The following RCSD1 variants were observed in gnomAD, a reference collection of about 807,000 sequenced individuals.
RCSD1 encodes capZ-interacting protein.
A neutral mutation model predicts 42.5 loss-of-function variants in RCSD1; 26 were observed. The ratio of observed to expected loss-of-function variants is 0.61; its 90% CI spans 0.45 to 0.85. The LOEUF (loss-of-function observed/expected upper bound fraction) is 0.85, where lower values mean the gene tolerates loss of function less well. RCSD1 is among the 40% of genes least tolerant of loss of function. RCSD1 has a pLI of 0.00. For synonymous variants in RCSD1, 220 were observed against 212.2 expected (o/e 1.04, Z -0.32); for missense variants, 571 against 528.3 (o/e 1.08, Z -0.79).
chr1:167,640,817 T>C (rs1264737404), intron 1 of RCSD1: 2 of 152,246 alleles, frequency 1.3e-5, no homozygotes, highest in Non-Finnish European at 2.9e-5. Flanking sequence ...CCTGAAGCGC[T>C]GGGATTACAG....
At chr1:167,642,856 G>A (rs2102199898) in intron 1 of RCSD1, among the ~76,000 whole-genome samples, 1 of 152,324 alleles carries the variant, frequency 6.6e-6, no homozygotes, top group East Asian at 1.9e-4. Flanking sequence ...AGGAGTTGGT[G>A]AAAGTCGGCC....
chr1:167,672,970 G>A (rs1190463026), intron 1 of RCSD1, among the ~76,000 whole-genome samples: 2 of 152,090 alleles, frequency 1.3e-5, no homozygotes, highest in Non-Finnish European at 2.9e-5. Flanking sequence ...CGTGATAGTT[G>A]GGATAGGTAA....
At chr1:167,664,835 T>A (rs189237395) in intron 1 of RCSD1, 1 of 150,994 alleles carries the variant, frequency 6.6e-6, no homozygotes, top group Non-Finnish European at 1.5e-5. Flanking sequence ...AGGTCAAGAG[T>A]TCAAGACCAG....
At chr1:167,630,481 G>A (rs1657668240) in intron 1 of RCSD1, 52 bp downstream of exon 1, 2 of 1,496,668 alleles carry the variant, frequency 1.3e-6, no homozygotes, top group Non-Finnish European at 1.8e-6. Context: ...GGTGTATCGG[G>A]CGCCCCTTCC....
At chr1:167,653,456 T>C (rs1009685504) in intron 1 of RCSD1, among the ~76,000 whole-genome samples, 1 of 152,220 alleles carries the variant, frequency 6.6e-6, no homozygotes, top group Admixed American at 6.5e-5. Flanking sequence ...CTGGGCAGAC[T>C]GCTAATCTGA....
intron 1 of RCSD1, among the ~76,000 whole-genome samples, chr1:167,657,842 T>G (rs916461612): frequency 6.6e-6 from 1 of 152,128 alleles, no homozygotes; most frequent in African/African-American, 2.4e-5. Context: ...TCCTTTTCCT[T>G]GAAAATATAT....
At chr1:167,666,534 A>G (rs74379355) in intron 1 of RCSD1, among the ~76,000 whole-genome samples, 3,394 of 152,296 alleles carry the variant, frequency 0.022, 118 homozygotes, top group African/African-American at 0.075. Context: ...CTAGTTACAG[A>G]GGGGACTTGC....
chr1:167,692,671 CT>C (rs1353165163), intron 4 of RCSD1, among the ~76,000 whole-genome samples: 6 of 152,120 alleles, frequency 3.9e-5, no homozygotes. Context: ...TCATATGCTG[CT>C]TTTTGACATG....
At chr1:167,691,838 C>CT (rs879893002) in intron 4 of RCSD1, among the ~76,000 whole-genome samples, 1 of 152,084 alleles carries the variant, frequency 6.6e-6, no homozygotes, top group Admixed American at 6.5e-5. Context: ...TAGGGTGGTG[C>CT]TACCTGTCAC....
intron 6 of RCSD1, among the ~76,000 whole-genome samples, chr1:167,701,030 C>T (rs1659624626): frequency 6.6e-6 from 1 of 152,174 alleles, no homozygotes; most frequent in Non-Finnish European, 1.5e-5. Flanking sequence ...GGGGCAGGCT[C>T]ACTGGTAATC....
chr1:167,704,239 T>C (rs1321891522), intron 6 of RCSD1, among the ~76,000 whole-genome samples: 2 of 152,196 alleles, frequency 1.3e-5, no homozygotes, highest in Non-Finnish European at 2.9e-5. Flanking sequence ...TGAGCAGTGT[T>C]TCAGGAGAGC....
chr1:167,685,697 C>T (rs1659217480), intron 3 of RCSD1, among the ~76,000 whole-genome samples, 187 bp downstream of exon 3: 1 of 152,174 alleles, frequency 6.6e-6, no homozygotes, highest in Non-Finnish European at 1.5e-5. Context: ...AAACTAGGCT[C>T]CTCCCTGCTC....
chr1:167,699,421 C>T (rs1257924652), intron 6 of RCSD1, among the ~76,000 whole-genome samples: 4 of 152,168 alleles, frequency 2.6e-5, no homozygotes, highest in Non-Finnish European at 5.9e-5. Flanking sequence ...TTGGAATTCT[C>T]CCTTGCCTCC....
intron 1 of RCSD1, among the ~76,000 whole-genome samples, chr1:167,638,688 C>A (rs1657919000): frequency 6.6e-6 from 1 of 152,230 alleles, no homozygotes; most frequent in South Asian, 2.1e-4. Flanking sequence ...CTCCTCTGCA[C>A]AGCTAAAAGA....
At chr1:167,694,712 G>A (rs1437201990) in intron 5 of RCSD1, among the ~76,000 whole-genome samples, 1 of 152,172 alleles carries the variant, frequency 6.6e-6, no homozygotes, top group Non-Finnish European at 1.5e-5. Context: ...ACTCCAAAAC[G>A]TCCTGTCTGG....
At chr1:167,694,335 C>A in intron 5 of RCSD1, 33 bp downstream of exon 5, 1 of 1,594,784 alleles carries the variant, frequency 6.3e-7, no homozygotes, top group South Asian at 1.1e-5. Context: ...GGCGGTGTGT[C>A]TGTGGAAATG....
intron 1 of RCSD1, among the ~76,000 whole-genome samples, chr1:167,656,085 A>C (rs1457678736): frequency 1.3e-5 from 2 of 152,216 alleles, no homozygotes; most frequent in Admixed American, 6.5e-5. Flanking sequence ...ATATTTATTG[A>C]ATATTTTAAT....
At chr1:167,674,956 C>T (rs893115697) in intron 1 of RCSD1, among the ~76,000 whole-genome samples, 1 of 152,062 alleles carries the variant, frequency 6.6e-6, no homozygotes, top group African/African-American at 2.4e-5. Context: ...CCTGTAATCC[C>T]AGCACTTTGG....
intron 1 of RCSD1, among the ~76,000 whole-genome samples, chr1:167,675,085 A>G (rs1007765331): frequency 6.6e-6 from 1 of 151,884 alleles, no homozygotes; most frequent in Non-Finnish European, 1.5e-5. Context: ...ACGTGCCTGT[A>G]GTCCCAGCTA....
Sources: gnomAD v4.1 joint callset for allele counts (sites outside exome capture counted in the v4.1 genomes callset) on GRCh38, gnomAD v4.1.1 for gene constraint, MANE v1.5 for transcripts, NCBI Gene and HGNC (gene_info 2026-07-23, HGNC 2026-07-21) for gene names.